The following DENND2B variants were observed in gnomAD, a reference collection of about 807,000 sequenced individuals.
The protein encoded by DENND2B is DENN domain containing 2B.
In DENND2B, 32 loss-of-function variants were observed where a neutral mutation model predicts 116.0. That is an observed-to-expected ratio of 0.28 (90% CI 0.21 to 0.37). DENND2B has a LOEUF of 0.37. Among genes scored for constraint, DENND2B ranks in the 10% least tolerant of loss-of-function variants. The pLI, the probability that DENND2B is intolerant of heterozygous loss-of-function variation, is 1.00. For missense variants in DENND2B, 1,276 were observed against 1,477.7 expected, an observed-to-expected ratio of 0.86 and a Z score of 2.24; for synonymous variants, 588 against 583.9, an observed-to-expected ratio of 1.01 and a Z score of -0.10.
At chr11:8,800,688 T>A (rs1201904183) in intron 1 of DENND2B, among the ~76,000 whole-genome samples, 1 of 152,190 alleles carries the variant, frequency 6.6e-6, no homozygotes, top group Non-Finnish European at 1.5e-5. Flanking sequence ...CCAGGCTGTA[T>A]TTCAACAAGA....
intron 1 of DENND2B, among the ~76,000 whole-genome samples, chr11:8,801,110 C>T (rs1202612064): frequency 3.3e-5 from 5 of 151,808 alleles, no homozygotes; most frequent in Admixed American, 2.0e-4. Flanking sequence ...CTCTTTGACA[C>T]TGGGTCTGCC....
At chr11:8,803,609 A>G (rs908458296) in intron 1 of DENND2B, among the ~76,000 whole-genome samples, 2 of 152,226 alleles carry the variant, frequency 1.3e-5, no homozygotes, top group Non-Finnish European at 2.9e-5. Context: ...ATTATTAACA[A>G]CAGCAGCAGC....
intron 1 of DENND2B, among the ~76,000 whole-genome samples, chr11:8,803,524 C>T (rs2060539650): frequency 6.6e-6 from 1 of 152,208 alleles, no homozygotes; most frequent in African/African-American, 2.4e-5. Flanking sequence ...CCAGAACTAA[C>T]ATCCAGACCT....
At chr11:8,828,487 CTG>C (rs2062064907) in intron 4 of DENND2B, among the ~76,000 whole-genome samples, 1 of 152,150 alleles carries the variant, frequency 6.6e-6, no homozygotes, top group African/African-American at 2.4e-5. Context: ...AGAACCCACT[CTG>C]TGAGGGGTCA....
chr11:8,735,429 A>C (rs146209708), intron 2 of DENND2B, among the ~76,000 whole-genome samples: 1 of 152,288 alleles, frequency 6.6e-6, no homozygotes, highest in East Asian at 1.9e-4. Flanking sequence ...CAGAAAACCC[A>C]CAGAAATGTG....
intron 1 of DENND2B, among the ~76,000 whole-genome samples, chr11:8,789,359 C>G (rs183559449): frequency 1.3e-5 from 2 of 152,306 alleles, no homozygotes; most frequent in Admixed American, 1.3e-4. Flanking sequence ...AACAATAAAA[C>G]AACTTACGTG....
chr11:8,895,907 A>AACC (rs2064095942), intron 1 of DENND2B, among the ~76,000 whole-genome samples: 1 of 152,128 alleles, frequency 6.6e-6, no homozygotes, highest in South Asian at 2.1e-4. Flanking sequence ...TACAGGTATG[A>AACC]ACCACCATGA....
At chr11:8,771,877 T>C (rs1345248291) in intron 1 of DENND2B, 1 of 152,172 alleles carries the variant, frequency 6.6e-6, no homozygotes, top group Non-Finnish European at 1.5e-5. Flanking sequence ...ACTCTAGCAA[T>C]GACAGCATTA....
chr11:8,716,118 G>A (rs2044715874), intron 5 of DENND2B, among the ~76,000 whole-genome samples: 1 of 152,226 alleles, frequency 6.6e-6, no homozygotes, highest in African/African-American at 2.4e-5. Flanking sequence ...GAATTTTGCG[G>A]GGGTCCTCCT....
At chr11:8,864,770 G>A (rs1443245879) in intron 2 of DENND2B, among the ~76,000 whole-genome samples, 7 of 152,178 alleles carry the variant, frequency 4.6e-5, no homozygotes, top group African/African-American at 1.4e-4. Flanking sequence ...ACTTCCCAGA[G>A]ACCAGTGTCT....
chr11:8,697,915 C>A, intron 16 of DENND2B: 1 of 510,512 alleles, frequency 2.0e-6, no homozygotes, highest in Non-Finnish European at 3.7e-6. Context: ...ATCGCTTGAG[C>A]CCAGGAGGGA....
chr11:8,814,884 T>C (rs558489169), upstream of DENND2B, among the ~76,000 whole-genome samples: 1 of 152,218 alleles, frequency 6.6e-6, no homozygotes, highest in Non-Finnish European at 1.5e-5. Flanking sequence ...TGTCACTCAT[T>C]GCCTCTTTTC....
intron 3 of DENND2B, among the ~76,000 whole-genome samples, chr11:8,854,997 T>C (rs1472813064): frequency 6.6e-6 from 1 of 151,422 alleles, no homozygotes; most frequent in Non-Finnish European, 1.5e-5. Context: ...TTGAAAAAAT[T>C]AGCCAGGCAT....
intron 1 of DENND2B, among the ~76,000 whole-genome samples, chr11:8,779,811 G>A (rs571904526): frequency 3.3e-5 from 5 of 152,190 alleles, no homozygotes; most frequent in East Asian, 1.9e-4. Flanking sequence ...CACCACGCCC[G>A]GCCAAGGTTT....
chr11:8,699,107 G>T, intron 15 of DENND2B, 106 bp downstream of exon 15: 1 of 1,520,946 alleles, frequency 6.6e-7, no homozygotes, highest in Non-Finnish European at 8.8e-7. Context: ...ACCTCCCAGG[G>T]AGAAAGGATA....
intron 4 of DENND2B, chr11:8,719,103 C>T: frequency 3.0e-6 from 3 of 985,492 alleles, no homozygotes; most frequent in Non-Finnish European, 2.4e-6. Context: ...GCCTTACGCC[C>T]CAGAGGAACT....
At chr11:8,884,125 C>G (rs1017672606) in intron 1 of DENND2B, among the ~76,000 whole-genome samples, 1 of 152,186 alleles carries the variant, frequency 6.6e-6, no homozygotes, top group Non-Finnish European at 1.5e-5. Context: ...AGAAGTTGCT[C>G]TCTCACTCCT....
At chr11:8,780,642 G>T (rs1198709361) in intron 1 of DENND2B, among the ~76,000 whole-genome samples, 2 of 152,190 alleles carry the variant, frequency 1.3e-5, no homozygotes, top group Non-Finnish European at 2.9e-5. Context: ...GGCTCTTAGA[G>T]GCCTCTGAGA....
intron 1 of DENND2B, among the ~76,000 whole-genome samples, chr11:8,883,486 G>A (rs931524127): frequency 6.6e-6 from 1 of 152,104 alleles, no homozygotes; most frequent in Non-Finnish European, 1.5e-5. Context: ...TTCAAACTAA[G>A]CCCTAATGCC....
Sources: gnomAD v4.1 joint callset for allele counts (sites outside exome capture counted in the v4.1 genomes callset) on GRCh38, gnomAD v4.1.1 for gene constraint, MANE v1.5 for transcripts, NCBI Gene and HGNC (gene_info 2026-07-23, HGNC 2026-07-21) for gene names.